PTPN22: variants seen among roughly 807,000 people sequenced by gnomAD.
The protein encoded by PTPN22 is tyrosine-protein phosphatase non-receptor type 22.
PTPN22 carries 85 observed loss-of-function variants against 103.3 expected under a neutral mutation model. That is an observed-to-expected ratio of 0.82 (90% CI 0.69 to 0.99). PTPN22 has a LOEUF of 0.99. Among genes scored for constraint, PTPN22 ranks in the 50% least tolerant of loss-of-function variants. The pLI, the probability that PTPN22 is intolerant of heterozygous loss-of-function variation, is 0.00. For missense variants in PTPN22, 865 were observed against 936.9 expected (o/e 0.92, Z 1.00); for synonymous variants, 323 against 310.2 (o/e 1.04, Z -0.43).
At chr1:113,849,585 T>C (rs1664369455) in intron 10 of PTPN22, among the ~76,000 whole-genome samples, 1 of 58,806 alleles carries the variant, frequency 1.7e-5, no homozygotes, top group African/African-American at 7.0e-5. Context: ...TTTATTTATT[T>C]ATTTATTTAT....
intron 11 of PTPN22, among the ~76,000 whole-genome samples, chr1:113,840,878 G>A (rs1663485330): frequency 6.6e-6 from 1 of 152,176 alleles, no homozygotes; most frequent in Non-Finnish European, 1.5e-5. Flanking sequence ...ATGGAGAAAG[G>A]AGAGTGTTTT....
chr1:113,814,829 T>C (rs1661033410), exon 21 of PTPN22: 5 of 1,122,884 alleles, frequency 4.5e-6, no homozygotes, highest in South Asian at 3.8e-5. Context: ...AGAGCACTTA[T>C]TTTAACTAGC....
chr1:113,819,873 C>T (rs969321422), intron 19 of PTPN22: 1 of 304,392 alleles, frequency 3.3e-6, no homozygotes, highest in Non-Finnish European at 6.0e-6. Context: ...TCTTTGCAAA[C>T]AGATTGTATA....
chr1:113,820,392 A>G (rs959847530), intron 19 of PTPN22, among the ~76,000 whole-genome samples: 1 of 152,192 alleles, frequency 6.6e-6, no homozygotes, highest in Non-Finnish European at 1.5e-5. Flanking sequence ...TGGGAGGCAG[A>G]GGGATGAGGT....
exon 17 of PTPN22, chr1:113,829,971 G>C: frequency 6.2e-7 from 1 of 1,605,644 alleles, no homozygotes; most frequent in African/African-American, 1.3e-5. Context: ...CAAGAAAGAA[G>C]GACTCTAGAG....
intron 18 of PTPN22, among the ~76,000 whole-genome samples, chr1:113,826,800 G>C (rs866612480): frequency 1.4e-3 from 204 of 147,774 alleles, no homozygotes; most frequent in Middle Eastern, 0.01. Context: ...CTCCCAAGTA[G>C]CTGGGACTAC....
intron 11 of PTPN22, among the ~76,000 whole-genome samples, chr1:113,842,535 G>C (rs994779563): frequency 5.3e-5 from 8 of 152,024 alleles, no homozygotes; most frequent in Non-Finnish European, 8.8e-5. Context: ...TTATCTGGGC[G>C]TGGTGGCATG....
chr1:113,852,645 A>C (rs1483490530), intron 9 of PTPN22, among the ~76,000 whole-genome samples: 2 of 152,186 alleles, frequency 1.3e-5, no homozygotes, highest in African/African-American at 4.8e-5. Context: ...CCATCTCTAG[A>C]GACATGATTC....
At chr1:113,843,948 G>A (rs1663825064) in intron 11 of PTPN22, among the ~76,000 whole-genome samples, 1 of 152,098 alleles carries the variant, frequency 6.6e-6, no homozygotes, top group African/African-American at 2.4e-5. Flanking sequence ...AATCCATTCT[G>A]GGCCGGGTGT....
chr1:113,830,202 G>A (rs893051633), intron 16 of PTPN22, among the ~76,000 whole-genome samples, 173 bp from the exon 17 acceptor site: 2 of 151,948 alleles, frequency 1.3e-5, no homozygotes, highest in Admixed American at 6.6e-5. Flanking sequence ...TTTCTACCTC[G>A]TTAGCCTATG....
At chr1:113,819,262 A>C (rs563026533) in intron 20 of PTPN22, 2 of 163,402 alleles carry the variant, frequency 1.2e-5, no homozygotes, top group African/African-American at 4.8e-5. Flanking sequence ...TTTTTTATAA[A>C]TTTGCTTTAG....
intron 11 of PTPN22, among the ~76,000 whole-genome samples, chr1:113,842,751 G>A (rs1311419326): frequency 2.6e-5 from 4 of 151,986 alleles, no homozygotes; most frequent in Non-Finnish European, 5.9e-5. Context: ...CTTGTGTACT[G>A]TTGGTGGGAA....
chr1:113,855,102 C>T, intron 7 of PTPN22, 53 bp from the exon 8 acceptor site: 1 of 1,490,778 alleles, frequency 6.7e-7, no homozygotes, highest in Non-Finnish European at 9.3e-7. Flanking sequence ...TGAAAAACCA[C>T]CTATTGGGTA....
intron 20 of PTPN22, 98 bp from the exon 21 acceptor site, chr1:113,815,067 G>C: frequency 2.3e-6 from 2 of 860,258 alleles, no homozygotes; most frequent in African/African-American, 1.7e-5. Flanking sequence ...GCAAATACAT[G>C]GTCTTTTTTT....
chr1:113,864,654 G>GC (rs1665959749), intron 1 of PTPN22, among the ~76,000 whole-genome samples: 1 of 147,824 alleles, frequency 6.8e-6, no homozygotes, highest in Non-Finnish European at 1.5e-5. Flanking sequence ...GGTGGCTCAC[G>GC]CCTATAATCA....
Position 113,822,622 on chromosome 1 carries a change from G to T in PTPN22, c.2281+2520C>A, listed in dbSNP as rs181078299. 3.0e-4 allele frequency among the ~76,000 whole-genome samples: 46 copies of T among 152,162 alleles called. 1 individual carries two copies. The East Asian group carries it at 7.7e-3, about 26-fold the overall frequency. On this transcript the variant is annotated intron_variant, in intron 19 of 20. Coordinates refer to ENST00000359785, the Ensembl canonical transcript of PTPN22. Reference sequence around the variant, plus strand: ...TACTCTTCTCTGGACCCTTTGGCTGGCTGGCTGCTCCTTCATGTTTTGGGT... The same window carrying T: ...TACTCTTCTCTGGACCCTTTGGCTGTCTGGCTGCTCCTTCATGTTTTGGGT...
At chr1:113,825,977 T>A (rs917605868) in intron 18 of PTPN22, among the ~76,000 whole-genome samples, 17 of 152,202 alleles carry the variant, frequency 1.1e-4, no homozygotes, top group African/African-American at 4.1e-4. Context: ...CCTTCCAAAG[T>A]GCTGGGATTA....
rs1663335139 is a variant in PTPN22 at position 113,839,537 on chromosome 1, TATC to T, written c.916-920_916-918del. 2.0e-5 allele frequency among the ~76,000 whole-genome samples: 3 copies of T among 152,212 alleles called. No individual in the cohort carries two copies. The South Asian group carries it at 6.2e-4, about 32-fold the overall frequency. ...CCCAATCCTTATTTTTTATAGCAAT[TATC>T]ATATTATGAAATATGTTATTGTGGT... is the stretch of plus-strand genomic sequence containing the variant. On this transcript the variant is annotated intron_variant, in intron 11 of 20. Coordinates refer to ENST00000359785, the Ensembl canonical transcript of PTPN22.
chr1:113,827,873 C>T (rs1662224756), intron 18 of PTPN22, among the ~76,000 whole-genome samples: 1 of 152,170 alleles, frequency 6.6e-6, no homozygotes, highest in African/African-American at 2.4e-5. Flanking sequence ...TCACCAACAA[C>T]ATTGAGTGTG....
Sources: gnomAD v4.1 joint callset for allele counts (sites outside exome capture counted in the v4.1 genomes callset) on GRCh38, gnomAD v4.1.1 for gene constraint, MANE v1.5 for transcripts, NCBI Gene and HGNC (gene_info 2026-07-23, HGNC 2026-07-21) for gene names.